MPPED1: variants seen among roughly 807,000 people sequenced by gnomAD.
MPPED1 encodes the protein metallophosphoesterase domain-containing protein 1.
A neutral mutation model predicts 36.2 loss-of-function variants in MPPED1; 16 were observed. The observed-to-expected ratio is 0.44, with a 90% CI of 0.30 to 0.67. The LOEUF is 0.67. Ranked by LOEUF, MPPED1 falls within the 30% of genes least tolerant of loss-of-function variation. The pLI is 0.10. For missense variants in MPPED1, 307 were observed against 453.4 expected (o/e 0.68, Z 2.93); for synonymous variants, 199 against 191.3 (o/e 1.04, Z -0.33).
intron 4 of MPPED1, among the ~76,000 whole-genome samples, chr22:43,489,107 C>T (rs940008345): frequency 6.6e-6 from 1 of 152,144 alleles, no homozygotes; most frequent in African/African-American, 2.4e-5. Flanking sequence ...ACGTGGACTT[C>T]GGGCCTGCCG....
intron 4 of MPPED1, among the ~76,000 whole-genome samples, chr22:43,488,006 G>A (rs373905971): frequency 3.3e-5 from 5 of 152,164 alleles, no homozygotes; most frequent in African/African-American, 4.8e-5. Context: ...CCGGGTTTGA[G>A]CCCTGGCTGT....
At chr22:43,463,843 CTTTCTTTCT>C (rs1324075854) in intron 3 of MPPED1, among the ~76,000 whole-genome samples, 6 of 121,850 alleles carry the variant, frequency 4.9e-5, no homozygotes, top group African/African-American at 1.8e-4. Context: ...TTCTTTCTTT[CTTTCTTTCT>C]TTCTTTCTTT....
rs748436302 is a variant in MPPED1, at chr22:43,505,648, G to T, written c.*32G>T. 1.9e-6 allele frequency: 3 copies of T among 1,562,472 alleles called. No individual in the cohort carries two copies. The highest frequency in any genetic ancestry group is 2.3e-5 in the East Asian group (1 of 42,758). On this transcript the variant is annotated 3_prime_UTR_variant, in exon 7 of 7. Coordinates refer to ENST00000443721, the MANE Select transcript of MPPED1 (RefSeq NM_001044370.2). ...CCCACTGCCCCTGCCCTGCCCGCCC[G>T]TGTCAGCTCCACAGGCCTGGCCCGG...
intron 4 of MPPED1, among the ~76,000 whole-genome samples, chr22:43,491,742 A>ATGGAGGTGGTGGTGG (rs1932104257): frequency 1.0e-5 from 1 of 95,626 alleles, no homozygotes; most frequent in Non-Finnish European, 2.1e-5. Context: ...GGTGGTGGTG[A>ATGGAGGTGGTGGTGG]TGGTGATGGA....
chr22:43,427,210 G>A (rs913704719), intron 2 of MPPED1, among the ~76,000 whole-genome samples: 1 of 152,184 alleles, frequency 6.6e-6, no homozygotes, highest in African/African-American at 2.4e-5. Flanking sequence ...ACACACTTAG[G>A]GAGCTCCTAG....
intron 3 of MPPED1, among the ~76,000 whole-genome samples, chr22:43,450,088 G>C (rs984916450): frequency 6.6e-6 from 1 of 152,114 alleles, no homozygotes; most frequent in Non-Finnish European, 1.5e-5. Flanking sequence ...TCCTCGGTGG[G>C]ACCAGCCCCA....
intron 4 of MPPED1, among the ~76,000 whole-genome samples, chr22:43,497,057 ATG>A (rs1932433561): frequency 1.0e-4 from 3 of 29,116 alleles, no homozygotes; most frequent in Non-Finnish European, 2.1e-4. Flanking sequence ...GGTGGTGGAG[ATG>A]GTGGTGGTGG....
At chr22:43,471,441 T>C (rs994259782) in intron 3 of MPPED1, among the ~76,000 whole-genome samples, 23 of 152,202 alleles carry the variant, frequency 1.5e-4, no homozygotes, top group Non-Finnish European at 2.9e-5. Flanking sequence ...TGGGGTCAGC[T>C]GGACCAGCGT....
intron 5 of MPPED1, among the ~76,000 whole-genome samples, chr22:43,501,516 C>T (rs1272202047): frequency 6.6e-6 from 1 of 152,198 alleles, no homozygotes; most frequent in Non-Finnish European, 1.5e-5. Context: ...TGCCCATGTG[C>T]CAGGCACTCC....
intron 3 of MPPED1, among the ~76,000 whole-genome samples, chr22:43,459,189 C>T (rs931479809): frequency 6.6e-6 from 1 of 152,126 alleles, no homozygotes; most frequent in Non-Finnish European, 1.5e-5. Context: ...ATTCTTGTGT[C>T]TCAGCCTCCC....
In MPPED1 at chr22:43,502,765, C is replaced by T. The variant is rs371341575; in HGVS notation, c.862+8C>T. On this transcript the variant is annotated splice_region_variant and intron_variant, in intron 6 of 6. Coordinates refer to ENST00000443721, the MANE Select transcript of MPPED1 (RefSeq NM_001044370.2). The surrounding 1 kb of genome is among the most constrained non-coding windows in gnomAD (Gnocchi z 5.5). ...TTGGCCACATCCACGAAGGTCAGTA[C>T]GTAGCGGAGACAGGCACCTCACGGG... 7.0e-5 allele frequency: 113 copies of T among 1,611,896 alleles called. 1 individual carries two copies. The highest frequency in any genetic ancestry group is 4.4e-4 in the African/African-American group (33 of 74,914).
chr22:43,472,588 C>T (rs571329771), intron 3 of MPPED1, among the ~76,000 whole-genome samples: 4 of 152,174 alleles, frequency 2.6e-5, no homozygotes, highest in Non-Finnish European at 5.9e-5. Flanking sequence ...TGATAAATCC[C>T]GAAGAAGAAA....
chr22:43,501,188 A>AC lies in MPPED1; in HGVS notation c.749-1451dup, dbSNP rs762853859. Among the ~76,000 whole-genome samples, 37 of 151,860 alleles carry AC rather than the reference A, an allele frequency of 2.4e-4. 1 individual carries two copies. In the South Asian group the frequency reaches 7.5e-3, roughly 31 times the overall value. ...GAGAGGTTGTAGCCGGGTTTGTTTCACCCCCACCTGAAGCCGCCTGAGTCC... is the reference window on the plus strand; with the variant it reads ...GAGAGGTTGTAGCCGGGTTTGTTTCACCCCCCACCTGAAGCCGCCTGAGTCC... On this transcript the variant is annotated intron_variant, in intron 5 of 6. Coordinates refer to ENST00000443721, the MANE Select transcript of MPPED1 (RefSeq NM_001044370.2).
At chr22:43,497,743 A>T (rs1169937995) in intron 4 of MPPED1, among the ~76,000 whole-genome samples, 1 of 146,060 alleles carries the variant, frequency 6.8e-6, no homozygotes, top group Non-Finnish European at 1.5e-5. Flanking sequence ...AAGAATGAGC[A>T]GCCCGCACCT....
At chr22:43,421,389 C>T (rs1601944825) in intron 1 of MPPED1, among the ~76,000 whole-genome samples, 1 of 152,384 alleles carries the variant, frequency 6.6e-6, no homozygotes, top group East Asian at 1.9e-4. Flanking sequence ...GGAGCGCCTC[C>T]GGGAGCCTTG....
At chr22:43,425,356 G>A (rs1378056688) in intron 2 of MPPED1, 147 bp downstream of exon 2, 17 of 1,372,896 alleles carry the variant, frequency 1.2e-5, no homozygotes, top group Non-Finnish European at 1.6e-5. Context: ...TAGGATCATC[G>A]GGGCTCTGAG....
At chr22:43,442,613 A>C (rs1930189461) in intron 3 of MPPED1, among the ~76,000 whole-genome samples, 1 of 152,176 alleles carries the variant, frequency 6.6e-6, no homozygotes, top group Non-Finnish European at 1.5e-5. Context: ...CAAGCTCTGC[A>C]GGGGCAGTCC....
rs190866071 is a variant in MPPED1 at position 43,498,494 on chromosome 22, C to T, written c.748+144C>T. ...GCTGGGGCACTGAGGACACGTCGCC[C>T]CATGGTCCCTCTTATTTCCTGAGTG... On this transcript the variant is annotated intron_variant, in intron 5 of 6. Transcript: ENST00000443721. 2.7e-4 allele frequency: 159 copies of T among 594,712 alleles called. 1 individual carries two copies. The highest frequency in any genetic ancestry group is 7.3e-4 in the Admixed American group (23 of 31,646). The allele number at this position is 594,712 out of a possible 1,614,324, so 36.8% of individuals were successfully genotyped here.
intron 3 of MPPED1, among the ~76,000 whole-genome samples, chr22:43,451,275 A>G (rs1044533312): frequency 1.3e-5 from 2 of 152,064 alleles, no homozygotes; most frequent in Admixed American, 6.6e-5. Context: ...AAAATGCTGC[A>G]ATTACCGGTG....
Sources: allele counts gnomAD v4.1 joint callset (sites outside exome capture counted in the v4.1 genomes callset), GRCh38; gene constraint gnomAD v4.1.1; non-coding constraint Gnocchi (gnomAD v3.1); transcripts MANE v1.5; gene names NCBI Gene and HGNC (gene_info 2026-07-23, HGNC 2026-07-21).